Variants in TMEM117 observed in about 807,000 individuals in gnomAD.
TMEM117 encodes transmembrane protein 117.
Under a neutral mutation model 52.4 loss-of-function variants are expected in TMEM117, and 27 were observed. That is an observed-to-expected ratio of 0.51 (90% CI 0.38 to 0.71). The LOEUF is 0.71. TMEM117 is among the 30% of genes least tolerant of loss of function. The pLI is 0.00. For missense variants in TMEM117, 556 were observed against 630.5 expected (o/e 0.88, Z 1.26); for synonymous variants, 215 against 206.3 (o/e 1.04, Z -0.36).
At chr12:43,988,103 C>T (rs1565782161) in intron 3 of TMEM117, among the ~76,000 whole-genome samples, 1 of 151,928 alleles carries the variant, frequency 6.6e-6, no homozygotes, top group Non-Finnish European at 1.5e-5. Context: ...GACATTACTA[C>T]CTATGGAAAA....
At chr12:44,136,637 G>A (rs1169983748) in intron 3 of TMEM117, among the ~76,000 whole-genome samples, 1 of 151,808 alleles carries the variant, frequency 6.6e-6, no homozygotes. Flanking sequence ...CCAGCAAATT[G>A]GTGCACTAAA....
chr12:44,323,339 A>T (rs1951156427), intron 6 of TMEM117, among the ~76,000 whole-genome samples: 1 of 152,090 alleles, frequency 6.6e-6, no homozygotes, highest in Non-Finnish European at 1.5e-5. Flanking sequence ...TTTTCTCCAC[A>T]TCTTTCCCAA....
chr12:43,951,079 G>A lies in TMEM117; in HGVS notation c.410+6737G>A, dbSNP rs189845328. 1.9e-3 allele frequency among the ~76,000 whole-genome samples: 295 copies of A among 152,316 alleles called. 1 individual carries two copies. Among genetic ancestry groups the A allele is most frequent in the African/African-American group, 6.3e-3 (260 of 41,572 alleles). On this transcript the variant is annotated intron_variant, in intron 3 of 7. Transcript: ENST00000266534. ...GGAGTGGGGGGACCTCCCTCCCCCA[G>A]CCAAGGGAAGTGGCGGGGGACTGTG... is the stretch of plus-strand genomic sequence containing the variant.
intron 4 of TMEM117, among the ~76,000 whole-genome samples, chr12:44,202,932 G>T (rs1010607724): frequency 1.3e-5 from 2 of 152,004 alleles, no homozygotes; most frequent in African/African-American, 4.8e-5. Flanking sequence ...GGGATTGCAG[G>T]TGTGTACCAC....
intron 5 of TMEM117, among the ~76,000 whole-genome samples, chr12:44,245,934 C>T (rs570169528): frequency 2.0e-5 from 3 of 152,084 alleles, no homozygotes; most frequent in Admixed American, 6.6e-5. Flanking sequence ...AAAATAACTC[C>T]GTATGGGAAT....
chr12:44,034,990 C>T (rs1592459620), intron 3 of TMEM117, among the ~76,000 whole-genome samples: 1 of 152,174 alleles, frequency 6.6e-6, no homozygotes, highest in African/African-American at 2.4e-5. Context: ...TGGAACATCT[C>T]ATCTCATCTC....
At chr12:44,272,691 G>A (rs1019587483) in intron 5 of TMEM117, among the ~76,000 whole-genome samples, 1 of 152,200 alleles carries the variant, frequency 6.6e-6, no homozygotes, top group Admixed American at 6.6e-5. Context: ...ACACCAGTTA[G>A]AATGGCGATC....
chr12:43,812,518 A>G, the TMEM117 span, among the ~76,000 whole-genome samples: 1 of 152,220 alleles, frequency 6.6e-6, no homozygotes, highest in African/African-American at 2.4e-5. Flanking sequence ...ATATTTACAT[A>G]CTAGTGAGAG....
intron 4 of TMEM117, among the ~76,000 whole-genome samples, chr12:44,192,663 AT>A (rs1243836944): frequency 1.3e-5 from 2 of 152,242 alleles, no homozygotes; most frequent in Non-Finnish European, 2.9e-5. Flanking sequence ...GTTTGAAAAA[AT>A]ATTACTTCAT....
intron 6 of TMEM117, among the ~76,000 whole-genome samples, chr12:44,375,331 G>A (rs1346327931): frequency 6.6e-6 from 1 of 152,154 alleles, no homozygotes; most frequent in Non-Finnish European, 1.5e-5. Flanking sequence ...CATGTACCCT[G>A]ATAGAAAGGG....
At chr12:44,327,457 T>C (rs75766105) in intron 6 of TMEM117, among the ~76,000 whole-genome samples, 2,303 of 152,310 alleles carry the variant, frequency 0.015, 57 homozygotes, top group African/African-American at 0.052. Context: ...GAAAATTTGA[T>C]TGGTGTTATA....
chr12:43,922,605 G>C (rs1174367928), intron 2 of TMEM117, among the ~76,000 whole-genome samples: 1 of 152,098 alleles, frequency 6.6e-6, no homozygotes, highest in Non-Finnish European at 1.5e-5. Context: ...CCTTTGCTTT[G>C]AGGTTTGGTT....
At position 44,094,792 on chromosome 12, in the gene TMEM117, T is replaced by C. The variant is rs563496363; in HGVS notation, c.411-48733T>C. The stretch of plus-strand genomic sequence containing the variant: ...GGGAAATAACTTGCATATGTGTTAG[T>C]GTGTGTGTGGGGGAATACTCAACTA... On this transcript the variant is annotated intron_variant, in intron 3 of 7. Coordinates refer to ENST00000266534, the MANE Select transcript of TMEM117 (RefSeq NM_032256.3). 6.6e-5 allele frequency among the ~76,000 whole-genome samples: 10 copies of C among 152,146 alleles called. No individual in the cohort carries two copies. In the South Asian group the frequency reaches 2.1e-3, roughly 32 times the overall value.
chr12:44,066,391 A>C (rs1000584978), intron 3 of TMEM117, among the ~76,000 whole-genome samples: 1 of 152,236 alleles, frequency 6.6e-6, no homozygotes, highest in Non-Finnish European at 1.5e-5. Context: ...TTTGTGAGCC[A>C]TAGTAAACAA....
At chr12:43,920,386 A>G (rs184504045) in intron 2 of TMEM117, among the ~76,000 whole-genome samples, 2,128 of 151,974 alleles carry the variant, frequency 0.014, 19 homozygotes, top group Non-Finnish European at 0.022. Context: ...GGTGGCAGGC[A>G]CCTGTAGTCC....
intron 5 of TMEM117, among the ~76,000 whole-genome samples, chr12:44,269,906 T>C (rs1455415767): frequency 1.3e-5 from 2 of 152,048 alleles, no homozygotes; most frequent in East Asian, 3.9e-4. Flanking sequence ...ATCTTAACAG[T>C]CTTATAATTT....
chr12:44,014,203 G>A (rs917124809), intron 3 of TMEM117, among the ~76,000 whole-genome samples: 2 of 152,144 alleles, frequency 1.3e-5, no homozygotes, highest in African/African-American at 4.8e-5. Context: ...GACGGGCCAT[G>A]GCAACCTTGC....
the TMEM117 span, among the ~76,000 whole-genome samples, chr12:43,810,077 C>A: frequency 4.0e-5 from 6 of 151,688 alleles, no homozygotes; most frequent in Non-Finnish European, 8.8e-5. Flanking sequence ...AAACAGGGAA[C>A]ACTTTGGTTC....
chr12:44,072,788 C>T (rs915151032), intron 3 of TMEM117, among the ~76,000 whole-genome samples: 5 of 152,072 alleles, frequency 3.3e-5, no homozygotes, highest in South Asian at 2.1e-4. Flanking sequence ...TTAAAAGAAG[C>T]GATTTAGAAA....
Sources: allele counts gnomAD v4.1 joint callset (sites outside exome capture counted in the v4.1 genomes callset), GRCh38; gene constraint gnomAD v4.1.1; transcripts MANE v1.5; gene names NCBI Gene and HGNC (gene_info 2026-07-23, HGNC 2026-07-21).